CAMTA1: variants seen among roughly 807,000 people sequenced by gnomAD.
CAMTA1 encodes calmodulin binding transcription activator 1.
Under a neutral mutation model 170.9 loss-of-function variants are expected in CAMTA1, and 27 were observed. That is an observed-to-expected ratio of 0.16 (90% CI 0.12 to 0.22). The LOEUF (loss-of-function observed/expected upper bound fraction) is 0.22, where lower values mean the gene tolerates loss of function less well. Among genes scored for constraint, CAMTA1 ranks in the 10% least tolerant of loss-of-function variants. The probability of loss-of-function intolerance (pLI) is 1.00; values close to 1 mark genes in which losing one functional copy is unlikely to be tolerated. For missense variants in CAMTA1, 1,619 were observed against 2,217.2 expected, an observed-to-expected ratio of 0.73 and a Z score of 5.42; for synonymous variants, 833 against 891.5, an observed-to-expected ratio of 0.93 and a Z score of 1.17.
At chr1:6,816,788 G>C (rs1402280858) in intron 1 of CAMTA1, among the ~76,000 whole-genome samples, 2 of 152,192 alleles carry the variant, frequency 1.3e-5, no homozygotes, top group South Asian at 2.1e-4. Context: ...AGCCGCCCCA[G>C]TATTGCAGAC....
chr1:6,968,317 A>C (rs1196243459), intron 3 of CAMTA1, among the ~76,000 whole-genome samples: 1 of 152,170 alleles, frequency 6.6e-6, no homozygotes, highest in Non-Finnish European at 1.5e-5. Context: ...GATCGGAAGT[A>C]GAGTCTGGAA....
intron 3 of CAMTA1, among the ~76,000 whole-genome samples, chr1:6,858,291 A>G (rs1663188052): frequency 6.6e-6 from 1 of 152,204 alleles, no homozygotes; most frequent in Non-Finnish European, 1.5e-5. Flanking sequence ...ACAGTAATAT[A>G]GTTTACAGAA....
intron 3 of CAMTA1, among the ~76,000 whole-genome samples, chr1:6,849,823 T>C (rs1021977584): frequency 1.3e-5 from 2 of 151,714 alleles, no homozygotes; most frequent in African/African-American, 4.8e-5. Flanking sequence ...TCACTTGAAG[T>C]CAGGAGTTCA....
In CAMTA1 at chr1:7,249,872, G is replaced by A. The variant is rs1666360320; in HGVS notation, c.438+246G>A. 6.6e-6 allele frequency among the ~76,000 whole-genome samples: 1 copy of A among 152,182 alleles called. No individual in the cohort carries two copies. The highest frequency in any genetic ancestry group is 1.5e-5 in the Non-Finnish European group (1 of 68,042). On this transcript the variant is annotated intron_variant, in intron 5 of 22. Coordinates refer to ENST00000303635, the MANE Select transcript of CAMTA1 (RefSeq NM_015215.4). The surrounding 1 kb of genome is among the most constrained non-coding windows in gnomAD (Gnocchi z 4.4). ...TCTTGGGAGTCATTGCTATATAGAT[G>A]GGGATTTGCAAGTTTCCTGTGGACT...
chr1:7,135,835 TACCA>T (rs1281078810), intron 4 of CAMTA1, among the ~76,000 whole-genome samples: 6 of 152,106 alleles, frequency 3.9e-5, no homozygotes. Flanking sequence ...AACCCAGGAG[TACCA>T]GCGACATTAA....
intron 3 of CAMTA1, among the ~76,000 whole-genome samples, chr1:7,024,428 G>A (rs1701782054): frequency 2.6e-5 from 4 of 152,172 alleles, no homozygotes; most frequent in African/African-American, 7.2e-5. Flanking sequence ...ATAAAATGGG[G>A]AAAATGCAAG....
intron 3 of CAMTA1, among the ~76,000 whole-genome samples, chr1:7,038,765 C>T (rs182192756): frequency 3.9e-4 from 60 of 152,316 alleles, no homozygotes; most frequent in East Asian, 3.9e-3. Flanking sequence ...AAAGGCTGGG[C>T]GTGGTGGCTC....
intron 6 of CAMTA1, among the ~76,000 whole-genome samples, chr1:7,577,000 A>G (rs59664463): frequency 0.15 from 22,725 of 152,220 alleles, 5,511 homozygotes; most frequent in African/African-American, 0.51. Context: ...GATGCCAGCT[A>G]ATGCCTTTGT....
chr1:7,485,286 G>T (rs2093603310), intron 6 of CAMTA1, among the ~76,000 whole-genome samples: 1 of 152,154 alleles, frequency 6.6e-6, no homozygotes, highest in Non-Finnish European at 1.5e-5. Flanking sequence ...GTCTCTCAGG[G>T]TGTGTCAGAG....
chr1:7,299,191 G>A lies in CAMTA1; in HGVS notation c.438+49565G>A, dbSNP rs561918409. ...TGATTCCCTGCCTAGTGCTTCCTTC[G>A]TTTTCATGGATTCTTTATTAAGCAG... On this transcript the variant is annotated intron_variant, in intron 5 of 22. Transcript: ENST00000303635. The surrounding 1 kb of genome is among the most constrained non-coding windows in gnomAD (Gnocchi z 4.7). Among the ~76,000 whole-genome samples, 61 of 152,200 alleles carry A rather than the reference G, an allele frequency of 4.0e-4. No homozygotes were observed. Among genetic ancestry groups the A allele is most frequent in the African/African-American group, 1.4e-3 (59 of 41,510 alleles).
intron 3 of CAMTA1, among the ~76,000 whole-genome samples, chr1:6,864,206 A>G (rs1281673041): frequency 2.0e-5 from 3 of 152,096 alleles, no homozygotes; most frequent in Non-Finnish European, 2.9e-5. Flanking sequence ...TCTTCTTTTT[A>G]TCTGTTTTGA....
At chr1:7,255,751 A>G (rs1417087760) in intron 5 of CAMTA1, among the ~76,000 whole-genome samples, 1 of 152,150 alleles carries the variant, frequency 6.6e-6, no homozygotes, top group Non-Finnish European at 1.5e-5. Flanking sequence ...ACCCCACACG[A>G]CCTTGCTCTG....
intron 3 of CAMTA1, among the ~76,000 whole-genome samples, chr1:6,997,097 A>G (rs1697378383): frequency 6.6e-6 from 1 of 152,104 alleles, no homozygotes; most frequent in Admixed American, 6.6e-5. Flanking sequence ...TAGGACGATG[A>G]TTCTTTGGCA....
chr1:6,996,680 T>G (rs1006669353), intron 3 of CAMTA1, among the ~76,000 whole-genome samples: 2 of 108,734 alleles, frequency 1.8e-5, no homozygotes, highest in Non-Finnish European at 4.2e-5. Flanking sequence ...CAAAAAGCTA[T>G]TTAAAAAAAA....
chr1:7,705,331 G>T (rs1366899063), intron 11 of CAMTA1, among the ~76,000 whole-genome samples: 3 of 151,514 alleles, frequency 2.0e-5, no homozygotes, highest in Non-Finnish European at 4.4e-5. Context: ...CGTGGGGCCC[G>T]GGGCCGTGTG....
At chr1:7,247,235 G>T (rs974329909) in intron 4 of CAMTA1, among the ~76,000 whole-genome samples, 1 of 152,248 alleles carries the variant, frequency 6.6e-6, no homozygotes, top group African/African-American at 2.4e-5. Flanking sequence ...TGAAAGTGCC[G>T]GATGACAGGG....
rs1295100621 is a variant in CAMTA1, at chr1:7,665,477, G to T, written c.2652+278G>T. On this transcript the variant is annotated intron_variant, in intron 9 of 22. Transcript: ENST00000303635. This position sits in a 1 kb window ranked among gnomAD's most constrained non-coding sequence, Gnocchi z 4.3. ...ACCTGTAATCCCAGAACTTTGGGAG[G>T]CCGAGGCAGGAGGATCATCTGAGCC... Among the ~76,000 whole-genome samples the T allele has an allele frequency of 6.6e-6, 1 of 152,174 alleles. No individual in the cohort carries two copies. The highest frequency in any genetic ancestry group is 1.5e-5 in the Non-Finnish European group (1 of 68,038).
At chr1:6,933,283 CT>C (rs986856455) in intron 3 of CAMTA1, among the ~76,000 whole-genome samples, 9 of 148,636 alleles carry the variant, frequency 6.1e-5, no homozygotes, top group African/African-American at 4.9e-5. Flanking sequence ...GTTTTCGTTT[CT>C]TTTTTTTTTG....
intron 4 of CAMTA1, among the ~76,000 whole-genome samples, chr1:7,129,831 T>C (rs1645143121): frequency 6.6e-6 from 1 of 152,166 alleles, no homozygotes; most frequent in Non-Finnish European, 1.5e-5. Context: ...CACTTACCTG[T>C]TTTCTGTCAC....
Sources: allele counts gnomAD v4.1 joint callset (sites outside exome capture counted in the v4.1 genomes callset), GRCh38; gene constraint gnomAD v4.1.1; non-coding constraint Gnocchi (gnomAD v3.1); transcripts MANE v1.5; gene names NCBI Gene and HGNC (gene_info 2026-07-23, HGNC 2026-07-21).